SEC62: variants seen among roughly 807,000 people sequenced by gnomAD.
The protein encoded by SEC62 is translocation protein SEC62.
A neutral mutation model predicts 47.5 loss-of-function variants in SEC62; 10 were observed. That is an observed-to-expected ratio of 0.21 (90% CI 0.13 to 0.36). The LOEUF (loss-of-function observed/expected upper bound fraction) is 0.36, where lower values mean the gene tolerates loss of function less well. Among genes scored for constraint, SEC62 ranks in the 10% least tolerant of loss-of-function variants. SEC62 has a pLI of 1.00. For missense variants in SEC62, 327 were observed against 464.1 expected (o/e 0.70, Z 2.71); for synonymous variants, 136 against 150.5 (o/e 0.90, Z 0.71).
chr3:169,984,203 G>C (rs553233984), intron 5 of SEC62, among the ~76,000 whole-genome samples: 2 of 152,276 alleles, frequency 1.3e-5, no homozygotes, highest in East Asian at 1.9e-4. Flanking sequence ...GTGGGATTGT[G>C]GGGGAGGATT....
At chr3:169,988,140 A>T in intron 6 of SEC62, 100 bp from the exon 7 acceptor site, 2 of 1,345,454 alleles carry the variant, frequency 1.5e-6, no homozygotes, top group Non-Finnish European at 2.1e-6. Flanking sequence ...CACTGTGTTT[A>T]TGTTTCTCAG....
At chr3:169,985,158 G>C (rs981354864) in intron 5 of SEC62, 3 of 151,726 alleles carry the variant, frequency 2.0e-5, no homozygotes, top group African/African-American at 7.3e-5. Flanking sequence ...TTTTATCCCA[G>C]ACTGGTTCAT....
At chr3:169,973,864 G>C (rs903756499) in intron 1 of SEC62, among the ~76,000 whole-genome samples, 7 of 152,096 alleles carry the variant, frequency 4.6e-5, no homozygotes, top group Non-Finnish European at 8.8e-5. Flanking sequence ...CAGGTAATTG[G>C]GCTACTGGAA....
chr3:169,971,481 T>G (rs1460044833), intron 1 of SEC62, among the ~76,000 whole-genome samples: 1 of 152,234 alleles, frequency 6.6e-6, no homozygotes, highest in Non-Finnish European at 1.5e-5. Flanking sequence ...TAAGTTATTA[T>G]AAGTTAATAA....
Position 169,966,981 on chromosome 3 carries a change from G to A in SEC62, c.36+123G>A, listed in dbSNP as rs547907004. 5.2e-5 allele frequency: 54 copies of A among 1,039,986 alleles called. No individual in the cohort carries two copies. In the Admixed American group the frequency reaches 7.2e-4, roughly 14 times the overall value. 64.4% of individuals were successfully genotyped at this position (1,039,986 alleles called of 1,614,324 possible). ...GTGGGGTGGGGTGGGGTGGGGTTCC[G>A]CCGCGAGGCAGCTGGCTGCAGGCTG... On this transcript the variant is annotated intron_variant, in intron 1 of 7. Transcript: ENST00000337002.
At chr3:169,969,960 T>A (rs2108278859) in intron 1 of SEC62, among the ~76,000 whole-genome samples, 1 of 152,310 alleles carries the variant, frequency 6.6e-6, no homozygotes, top group East Asian at 1.9e-4. Flanking sequence ...AACCTTGACA[T>A]ATCATGGGCT....
At chr3:169,982,402 G>A (rs1348967120) in intron 3 of SEC62, among the ~76,000 whole-genome samples, 1 of 152,090 alleles carries the variant, frequency 6.6e-6, no homozygotes, top group Non-Finnish European at 1.5e-5. Context: ...TTGATTATAT[G>A]AACCCAGAAA....
At chr3:169,987,061 A>G (rs1218573014) in intron 6 of SEC62, among the ~76,000 whole-genome samples, 1 of 151,804 alleles carries the variant, frequency 6.6e-6, no homozygotes, top group Non-Finnish European at 1.5e-5. Flanking sequence ...TGATTTAACA[A>G]ACAGAAAAAA....
intron 1 of SEC62, among the ~76,000 whole-genome samples, chr3:169,973,791 C>A (rs762233042): frequency 3.9e-5 from 6 of 152,050 alleles, no homozygotes; most frequent in Non-Finnish European, 8.8e-5. Flanking sequence ...ATTTTTATTG[C>A]CACAAATAGC....
At chr3:169,981,260 G>A (rs1278757200) in intron 3 of SEC62, among the ~76,000 whole-genome samples, 1 of 152,216 alleles carries the variant, frequency 6.6e-6, no homozygotes, top group Non-Finnish European at 1.5e-5. Context: ...AGTAGTATGG[G>A]CCAAATGAGG....
At chr3:169,978,170 T>G (rs1714880968) in intron 3 of SEC62, among the ~76,000 whole-genome samples, 1 of 151,908 alleles carries the variant, frequency 6.6e-6, no homozygotes, top group African/African-American at 2.4e-5. Context: ...TCCCAGCTAC[T>G]CGGGAGGCTG....
At chr3:169,970,817 G>A (rs2108279261) in intron 1 of SEC62, among the ~76,000 whole-genome samples, 1 of 152,210 alleles carries the variant, frequency 6.6e-6, no homozygotes, top group Middle Eastern at 3.4e-3. Flanking sequence ...CTTTATTAGT[G>A]GGTGCTACTA....
rs1667460808 is a variant in SEC62 at position 169,992,627 on chromosome 3, T to C, written c.764T>C (p.Ile255Thr). Residue 255 changes from isoleucine to threonine, a missense_variant, in exon 8 of 8, where the codon ATA (isoleucine) becomes ACA (threonine). Coordinates refer to ENST00000337002, the MANE Select transcript of SEC62 (RefSeq NM_003262.4). The surrounding 1 kb of genome is among the most constrained non-coding windows in gnomAD (Gnocchi z 4.0). Reference protein sequence around the residue: ...RCILFLIIWLITGGRHHFWFL... With the variant: ...RCILFLIIWLTTGGRHHFWFL... The stretch of plus-strand genomic sequence containing the variant: ...ATTCTATTTCTCATCATTTGGCTCA[T>C]AACTGGAGGAAGGCACCACTTTTGG... The C allele has an allele frequency of 6.2e-6, 10 of 1,613,946 alleles. No homozygotes were observed. The highest frequency in any genetic ancestry group is 1.7e-4 in the Middle Eastern group (1 of 6,058).
Position 169,974,654 on chromosome 3 carries a change from T to C in SEC62, c.37-954T>C, listed in dbSNP as rs1032673435. 2.6e-5 allele frequency among the ~76,000 whole-genome samples: 4 copies of C among 152,322 alleles called. No individual in the cohort carries two copies. The South Asian group carries it at 8.3e-4, about 32-fold the overall frequency. ...CTTCAAATGAGATAGTAATAACTCT[T>C]TTTGCATTTTTCATTTTTGCCTCAC... On this transcript the variant is annotated intron_variant, in intron 1 of 7. Coordinates refer to ENST00000337002, the MANE Select transcript of SEC62 (RefSeq NM_003262.4).
chr3:169,987,797 T>A (rs1715143889), intron 6 of SEC62, among the ~76,000 whole-genome samples: 1 of 152,226 alleles, frequency 6.6e-6, no homozygotes, highest in African/African-American at 2.4e-5. Flanking sequence ...TCTGTGGATG[T>A]CAGAGCTCCA....
rs149115509 is a variant in SEC62, at chr3:169,972,530, C to T, written c.37-3078C>T. On this transcript the variant is annotated intron_variant, in intron 1 of 7. Coordinates refer to ENST00000337002, the MANE Select transcript of SEC62 (RefSeq NM_003262.4). ...ACCAGGGCTCAGGTGGTCTTCCTAC[C>T]TCAGCCTCCTGAGTAGCTGGAACTA... Among the ~76,000 whole-genome samples the T allele has an allele frequency of 5.5e-3, 828 of 151,838 alleles. 9 individuals carry two copies. The highest frequency in any genetic ancestry group is 0.018 in the African/African-American group (765 of 41,410).
At position 169,988,225 on chromosome 3, in the gene SEC62, C is replaced by A; in HGVS notation, c.611-15C>A. On this transcript the variant is annotated splice_polypyrimidine_tract_variant and intron_variant, in intron 6 of 7. Transcript: ENST00000337002. ...TTTTATTCTAAAATTTAACTTTTGT[C>A]ATTTCTTGTTCCAGTGATTGCAGTA... 6.2e-7 allele frequency: 1 copy of A among 1,612,984 alleles called. No homozygotes were observed. Among genetic ancestry groups the A allele is most frequent in the South Asian group, 1.1e-5 (1 of 90,976 alleles).
chr3:169,968,951 T>TA (rs2108278339), intron 1 of SEC62, among the ~76,000 whole-genome samples: 1 of 152,320 alleles, frequency 6.6e-6, no homozygotes, highest in African/African-American at 2.4e-5. Context: ...CTAACACACT[T>TA]ATGAAAATAT....
chr3:169,983,051 G>C, intron 4 of SEC62, 110 bp from the exon 5 acceptor site: 3 of 1,463,926 alleles, frequency 2.0e-6, no homozygotes, highest in Non-Finnish European at 2.8e-6. Context: ...CCGTGGTTGA[G>C]AATTTTTATT....
Sources: gnomAD v4.1 joint callset for allele counts (sites outside exome capture counted in the v4.1 genomes callset) on GRCh38, gnomAD v4.1.1 for gene constraint, Gnocchi (gnomAD v3.1) non-coding constraint, MANE v1.5 for transcripts, NCBI Gene and HGNC (gene_info 2026-07-23, HGNC 2026-07-21) for gene names.